MME: variants seen among roughly 807,000 people sequenced by gnomAD.
MME encodes membrane metalloendopeptidase, also known as neprilysin.
Under a neutral mutation model 113.2 loss-of-function variants are expected in MME, and 98 were observed. The observed-to-expected ratio is 0.87, with a 90% CI of 0.74 to 1.02. The LOEUF is 1.02. Ranked by LOEUF, MME falls within the 50% of genes least tolerant of loss-of-function variation. The pLI is 0.00. For missense variants in MME, 836 were observed against 896.0 expected, an observed-to-expected ratio of 0.93 and a Z score of 0.86; for synonymous variants, 292 against 300.6, an observed-to-expected ratio of 0.97 and a Z score of 0.30.
intron 3 of MME, among the ~76,000 whole-genome samples, chr3:155,105,195 G>C (rs116018946): frequency 6.6e-6 from 1 of 152,102 alleles, no homozygotes; most frequent in Non-Finnish European, 1.5e-5. Flanking sequence ...TTAGACATGA[G>C]ATTTCTGTGA....
chr3:155,124,748 G>T (rs1464088243), intron 8 of MME, among the ~76,000 whole-genome samples: 1 of 150,818 alleles, frequency 6.6e-6, no homozygotes, highest in African/African-American at 2.4e-5. Flanking sequence ...AGGGGTCAGG[G>T]ACCCACTTGA....
chr3:155,040,911 T>C (rs1713293188), intron 1 of MME, among the ~76,000 whole-genome samples: 1 of 152,202 alleles, frequency 6.6e-6, no homozygotes, highest in Non-Finnish European at 1.5e-5. Flanking sequence ...AGTTTGTTTT[T>C]AATTTGTGGC....
In MME at chr3:155,084,258, C is replaced by T; in HGVS notation, c.91C>T (p.Leu31Phe). Residue 31 changes from leucine (L) to phenylalanine (F), a missense_variant, in exon 2 of 23, where the codon CTC becomes TTC. Transcript: ENST00000360490. ...GCGATGGACTCCACTGGAGATCAGCCTCTCGGTCCTTGTCCTGCTCCTCAC... is the reference window on the plus strand; with the variant it reads ...GCGATGGACTCCACTGGAGATCAGCTTCTCGGTCCTTGTCCTGCTCCTCAC... ...KQRWTPLEIS[L>F]SVLVLLLTII... 6.2e-7 allele frequency: 1 copy of T among 1,614,150 alleles called. No homozygotes were observed. Among genetic ancestry groups the T allele is most frequent in the Non-Finnish European group, 8.5e-7 (1 of 1,180,024 alleles).
At chr3:155,066,303 A>G (rs1219327905) in intron 1 of MME, among the ~76,000 whole-genome samples, 4 of 152,218 alleles carry the variant, frequency 2.6e-5, no homozygotes, top group African/African-American at 7.2e-5. Context: ...GTGAATATGC[A>G]TGATTATTGC....
At chr3:155,087,011 T>G (rs943527588) in intron 3 of MME, among the ~76,000 whole-genome samples, 2 of 150,788 alleles carry the variant, frequency 1.3e-5, no homozygotes, top group African/African-American at 4.9e-5. Context: ...TTTTGTTTTT[T>G]TTTTTTGTAG....
chr3:155,093,301 C>A (rs746088533), intron 3 of MME, among the ~76,000 whole-genome samples: 1 of 151,882 alleles, frequency 6.6e-6, no homozygotes, highest in Admixed American at 6.6e-5. Flanking sequence ...AATATATTGA[C>A]GAAAAGTCTC....
In MME at chr3:155,168,963, AAGG is replaced by A. The variant is rs1260251968; in HGVS notation, c.1980+167_1980+169del. ...AAAGAGTGGTGAATATGCTAACCAT[AAGG>A]GTCAATACATTGATGTGACGGAGCT... is the stretch of plus-strand genomic sequence containing the variant. On this transcript the variant is annotated intron_variant, in intron 20 of 22. Transcript: ENST00000360490. 1.3e-5 allele frequency: 8 copies of A among 627,070 alleles called. No individual in the cohort carries two copies. In the African/African-American group the frequency reaches 1.5e-4, roughly 12 times the overall value. The allele number at this position is 627,070 out of a possible 1,614,324, so 38.8% of individuals were successfully genotyped here.
Position 155,180,546 on chromosome 3 carries a change from A to G in MME, c.*87A>G. The G allele has an allele frequency of 1.1e-6, 1 of 944,776 alleles. No homozygotes were observed. The highest frequency in any genetic ancestry group is 1.7e-6 in the Non-Finnish European group (1 of 572,524). 58.5% of individuals were successfully genotyped at this position (944,776 alleles called of 1,614,324 possible). A position where few individuals can be genotyped will look rare whatever the true frequency, so the allele number is the denominator to read the frequency against. On this transcript the variant is annotated 3_prime_UTR_variant, in exon 23 of 23. Coordinates refer to ENST00000360490, the MANE Select transcript of MME (RefSeq NM_007289.4). Reference sequence around the variant, plus strand: ...CTCTAATCGAAAGAAAATGGGCCCTAGGGGTCACTGTACTGACTTGAGGGT... The same window carrying G: ...CTCTAATCGAAAGAAAATGGGCCCTGGGGGTCACTGTACTGACTTGAGGGT...
intron 1 of MME, among the ~76,000 whole-genome samples, chr3:155,071,254 T>C (rs1466322179): frequency 6.6e-6 from 1 of 152,228 alleles, no homozygotes; most frequent in East Asian, 1.9e-4. Context: ...GGGATAAGCA[T>C]ATCTCTGTAA....
At position 155,142,465 on chromosome 3, in the gene MME, A is replaced by G. The variant is rs1399621141; in HGVS notation, c.1188+135A>G. 17 of 698,070 alleles carry G rather than the reference A, an allele frequency of 2.4e-5. No homozygotes were observed. The African/African-American group carries it at 2.5e-4, about 10-fold the overall frequency. The allele number at this position is 698,070 out of a possible 1,614,324, so 43.2% of individuals were successfully genotyped here. A position where few individuals can be genotyped will look rare whatever the true frequency, so the allele number is the denominator to read the frequency against. On this transcript the variant is annotated intron_variant, in intron 12 of 22. Coordinates refer to ENST00000360490, the MANE Select transcript of MME (RefSeq NM_007289.4). ...AATGCCAAAGTTCGTTATCTTGCACATATTTAGGACATGTTGCTGAGGAAG... is the reference window on the plus strand; with the variant it reads ...AATGCCAAAGTTCGTTATCTTGCACGTATTTAGGACATGTTGCTGAGGAAG...
At chr3:155,150,036 G>A (rs1015291118) in intron 16 of MME, among the ~76,000 whole-genome samples, 1 of 152,066 alleles carries the variant, frequency 6.6e-6, no homozygotes, top group African/African-American at 2.4e-5. Flanking sequence ...AATTATCTGG[G>A]TGAATTTATG....
At chr3:155,096,795 G>A (rs1253408275) in intron 3 of MME, among the ~76,000 whole-genome samples, 2 of 152,074 alleles carry the variant, frequency 1.3e-5, no homozygotes, top group African/African-American at 4.8e-5. Flanking sequence ...ACAGCTCACT[G>A]TAGCCTCAAC....
intron 22 of MME, among the ~76,000 whole-genome samples, chr3:155,176,100 A>G (rs934186731): frequency 1.3e-5 from 2 of 152,218 alleles, no homozygotes; most frequent in Admixed American, 6.5e-5. Context: ...GAATGAAGGC[A>G]GTTAACTATG....
Position 155,105,150 on chromosome 3 carries a change from G to A in MME, c.197-9844G>A, listed in dbSNP as rs368457005. On this transcript the variant is annotated intron_variant, in intron 3 of 22. Coordinates refer to ENST00000360490, the MANE Select transcript of MME (RefSeq NM_007289.4). Reference sequence around the variant, plus strand: ...AAGACTGAAGAATTTCACTAATTTCGGGAGTGCCAACTGAAGTTTATTATT... The same window carrying A: ...AAGACTGAAGAATTTCACTAATTTCAGGAGTGCCAACTGAAGTTTATTATT... Among the ~76,000 whole-genome samples, 62 of 152,202 alleles carry A rather than the reference G, an allele frequency of 4.1e-4. No homozygotes were observed. In the South Asian group the frequency reaches 0.012, roughly 30 times the overall value.
At chr3:155,068,341 G>A (rs1205449613) in intron 1 of MME, among the ~76,000 whole-genome samples, 1 of 152,154 alleles carries the variant, frequency 6.6e-6, no homozygotes, top group Non-Finnish European at 1.5e-5. Context: ...TTTAGAAGGT[G>A]ACGGATAACT....
intron 8 of MME, among the ~76,000 whole-genome samples, chr3:155,128,680 C>CTT (rs371467588): frequency 6.6e-6 from 1 of 151,104 alleles, no homozygotes; most frequent in African/African-American, 2.4e-5. Context: ...TATTTAATGT[C>CTT]TTTTTTTTTC....
intron 7 of MME, among the ~76,000 whole-genome samples, chr3:155,118,427 A>C (rs1718805859): frequency 1.3e-5 from 2 of 152,234 alleles, no homozygotes; most frequent in African/African-American, 4.8e-5. Context: ...TCCACGTCCT[A>C]GAATCTAACA....
intron 1 of MME, among the ~76,000 whole-genome samples, chr3:155,069,921 C>G (rs2108143371): frequency 6.6e-6 from 1 of 152,194 alleles, no homozygotes. Flanking sequence ...GCCTCCCTAC[C>G]CAGCCCCAGA....
intron 8 of MME, among the ~76,000 whole-genome samples, chr3:155,134,195 T>C (rs535044959): frequency 6.6e-6 from 1 of 152,190 alleles, no homozygotes; most frequent in South Asian, 2.1e-4. Flanking sequence ...CATGGATATA[T>C]TGCATGGTAC....
Sources: gnomAD v4.1 joint callset for allele counts (sites outside exome capture counted in the v4.1 genomes callset) on GRCh38, gnomAD v4.1.1 for gene constraint, MANE v1.5 for transcripts, NCBI Gene and HGNC (gene_info 2026-07-23, HGNC 2026-07-21) for gene names.